The following CADPS variants were observed in gnomAD, a reference collection of about 807,000 sequenced individuals.
CADPS encodes calcium-dependent secretion activator 1.
In CADPS, 57 loss-of-function variants were observed where a neutral mutation model predicts 167.3. The ratio of observed to expected loss-of-function variants is 0.34; its 90% confidence interval spans 0.28 to 0.42. The LOEUF (loss-of-function observed/expected upper bound fraction) is 0.42. CADPS is among the 20% of genes least tolerant of loss of function. The probability of loss-of-function intolerance (pLI) is 1.00; values close to 1 mark genes in which losing one functional copy is unlikely to be tolerated. For synonymous variants in CADPS, 676 were observed against 635.3 expected (o/e 1.06, Z -0.96); for missense variants, 1,414 against 1,738.1 (o/e 0.81, Z 3.32).
chr3:62,696,628 G>A (rs1265352984), intron 3 of CADPS, among the ~76,000 whole-genome samples: 2 of 152,094 alleles, frequency 1.3e-5, no homozygotes, highest in African/African-American at 2.4e-5. Context: ...GCCCGTCATT[G>A]CTGCCTATAT....
At chr3:62,643,238 G>A (rs1002950049) in intron 6 of CADPS, among the ~76,000 whole-genome samples, 5 of 152,146 alleles carry the variant, frequency 3.3e-5, no homozygotes, top group African/African-American at 9.7e-5. Context: ...CCTCTTCCAC[G>A]GCAGATGTTA....
intron 4 of CADPS, 25 bp from the exon 5 acceptor site, chr3:62,651,105 A>G: frequency 1.3e-6 from 2 of 1,500,264 alleles, no homozygotes; most frequent in Non-Finnish European, 1.9e-6. Flanking sequence ...GAAAAGTATG[A>G]GCAGAGGAGA....
intron 13 of CADPS, chr3:62,530,906 A>G: frequency 1.8e-6 from 1 of 564,290 alleles, no homozygotes; most frequent in Non-Finnish European, 2.3e-6. Context: ...CAAAAGAAAG[A>G]AAAAGAAGGG....
chr3:62,685,654 C>G (rs9811295), intron 3 of CADPS, among the ~76,000 whole-genome samples: 22,686 of 132,308 alleles, frequency 0.17, 1,932 homozygotes, highest in Middle Eastern at 0.31. Context: ...CACCAGGGAC[C>G]AAACTTCGTG....
chr3:62,737,673 C>T (rs535055782), intron 3 of CADPS, among the ~76,000 whole-genome samples: 1 of 152,252 alleles, frequency 6.6e-6, no homozygotes, highest in South Asian at 2.1e-4. Flanking sequence ...GAATGTACTT[C>T]CTTTCCGTTT....
intron 1 of CADPS, among the ~76,000 whole-genome samples, chr3:62,859,115 G>C (rs2080265849): frequency 1.3e-5 from 2 of 152,148 alleles, no homozygotes; most frequent in Admixed American, 6.5e-5. Flanking sequence ...ATTAGGGAAA[G>C]GGTAAATGTT....
At chr3:62,662,133 A>C (rs1041903625) in intron 4 of CADPS, among the ~76,000 whole-genome samples, 181 bp downstream of exon 4, 2 of 152,098 alleles carry the variant, frequency 1.3e-5, no homozygotes, top group Admixed American at 1.3e-4. Flanking sequence ...GAAATGCATG[A>C]GGTATCTCTG....
At chr3:62,597,490 G>C (rs1278263942) in intron 6 of CADPS, among the ~76,000 whole-genome samples, 1 of 152,206 alleles carries the variant, frequency 6.6e-6, no homozygotes, top group Non-Finnish European at 1.5e-5. Flanking sequence ...AAGAGAACTT[G>C]AGCCCAGTGT....
chr3:62,583,155 GTCTCTCTCTCTCTCTCTCTCTC>G (rs61474581), intron 8 of CADPS, among the ~76,000 whole-genome samples: 1 of 147,178 alleles, frequency 6.8e-6, no homozygotes, highest in Non-Finnish European at 1.5e-5. Flanking sequence ...TACCCTCTTT[GTCTCTCTCTCTCTCTCTCTCTC>G]TCTCTCTCTC....
chr3:62,629,218 G>A (rs1226161334), intron 6 of CADPS, among the ~76,000 whole-genome samples: 1 of 152,024 alleles, frequency 6.6e-6, no homozygotes, highest in Non-Finnish European at 1.5e-5. Context: ...CACTATTGCT[G>A]TACTCCAATT....
At chr3:62,694,043 G>A (rs2079766676) in intron 3 of CADPS, among the ~76,000 whole-genome samples, 1 of 152,036 alleles carries the variant, frequency 6.6e-6, no homozygotes, top group Non-Finnish European at 1.5e-5. Flanking sequence ...TCACCCCAGT[G>A]CTCGCTCAAT....
At chr3:62,629,878 A>C (rs1384351014) in intron 6 of CADPS, among the ~76,000 whole-genome samples, 1 of 151,946 alleles carries the variant, frequency 6.6e-6, no homozygotes, top group East Asian at 1.9e-4. Flanking sequence ...CTTGATCTTC[A>C]GGTGAGTGGA....
intron 18 of CADPS, among the ~76,000 whole-genome samples, chr3:62,498,713 GA>G (rs60975766): frequency 1.7e-4 from 25 of 146,914 alleles, no homozygotes; most frequent in East Asian, 2.0e-4. Context: ...AATCTAAGAT[GA>G]AAAAAAAAAT....
At chr3:62,581,417 A>C (rs920122541) in intron 8 of CADPS, among the ~76,000 whole-genome samples, 2 of 151,758 alleles carry the variant, frequency 1.3e-5, no homozygotes, top group African/African-American at 4.8e-5. Flanking sequence ...AATTAAAATA[A>C]GGACATTAAA....
rs375437653 is a variant in CADPS at position 62,433,090 on chromosome 3, C to G, written c.3777+5014G>C. Reference sequence around the variant, plus strand: ...CCTCCTTGTAGCCTATTATTTGGTACTTTCATCCTCCAGCAGGATGATTCC... The same window carrying G: ...CCTCCTTGTAGCCTATTATTTGGTAGTTTCATCCTCCAGCAGGATGATTCC... On this transcript the variant is annotated intron_variant, in intron 28 of 29. Transcript: ENST00000383710. The surrounding 1 kb of genome is among the most constrained non-coding windows in gnomAD (Gnocchi z 4.7). 6.6e-6 allele frequency among the ~76,000 whole-genome samples: 1 copy of G among 152,130 alleles called. No individual in the cohort carries two copies. Among genetic ancestry groups the G allele is most frequent in the Non-Finnish European group, 1.5e-5 (1 of 68,016 alleles).
chr3:62,872,760 T>G (rs1351390915), intron 1 of CADPS, among the ~76,000 whole-genome samples: 1 of 152,204 alleles, frequency 6.6e-6, no homozygotes, highest in Non-Finnish European at 1.5e-5. Context: ...CTTAAGCAAC[T>G]ATTTAAAGGA....
intron 4 of CADPS, among the ~76,000 whole-genome samples, chr3:62,655,541 A>T (rs1013026215): frequency 6.6e-6 from 1 of 152,190 alleles, no homozygotes; most frequent in Admixed American, 6.5e-5. Context: ...ATTTTGGAAC[A>T]TCTTTAAAAA....
chr3:62,723,218 C>A (rs1225169988), intron 3 of CADPS, among the ~76,000 whole-genome samples: 1 of 152,050 alleles, frequency 6.6e-6, no homozygotes, highest in Non-Finnish European at 1.5e-5. Flanking sequence ...ATTCTTAAAC[C>A]CAGCTGCGAG....
intron 2 of CADPS, 124 bp downstream of exon 2, chr3:62,765,747 C>T (rs377750486): frequency 1.8e-6 from 1 of 564,530 alleles, no homozygotes. Context: ...ATCACCAACC[C>T]ATTTGCCTTA....
Sources: allele counts gnomAD v4.1 joint callset (sites outside exome capture counted in the v4.1 genomes callset), GRCh38; gene constraint gnomAD v4.1.1; non-coding constraint Gnocchi (gnomAD v3.1); transcripts MANE v1.5; gene names NCBI Gene and HGNC (gene_info 2026-07-23, HGNC 2026-07-21).